Variants in OTOA observed in about 807,000 individuals in gnomAD.
OTOA encodes the protein cancer/testis antigen 108.
Under a neutral mutation model 110.8 loss-of-function variants are expected in OTOA, and 70 were observed. That is an observed-to-expected ratio of 0.63 (90% CI 0.52 to 0.77). The LOEUF is 0.77. Ranked by LOEUF, OTOA falls within the 30% of genes least tolerant of loss-of-function variation. The probability of loss-of-function intolerance (pLI) is 0.00; values close to 1 mark genes in which losing one functional copy is unlikely to be tolerated. For missense variants in OTOA, 917 were observed against 1,075.8 expected (o/e 0.85, Z 2.06); for synonymous variants, 373 against 431.5 (o/e 0.86, Z 1.68).
In OTOA at chr16:21,728,344, C is replaced by T. The variant is rs145160241; in HGVS notation, c.2120C>T (p.Ala707Val). 4.1e-4 allele frequency: 666 copies of T among 1,614,018 alleles called. 4 individuals carry two copies. The highest frequency in any genetic ancestry group is 3.4e-3 in the South Asian group (306 of 91,082). Reference protein sequence around the residue: ...IDRGISPRAWATALHGLRDCP... With the variant: ...IDRGISPRAWVTALHGLRDCP... ...AGGGGGATCTCCCCCAGGGCTTGGG[C>T]GACTGCTCTACACGGCCTCAGAGAC... Residue 707 changes from alanine to valine, a missense_variant, in exon 20 of 29, where the codon GCG (alanine) becomes GTG (valine). Physicochemically the swap from Ala to Val is moderately conservative, Grantham distance 64 (BLOSUM62 0). Around this residue, in one of 6 missense-constraint regions of OTOA, gnomAD observed 840 missense variants for 910.2 expected, o/e 0.92. Transcript: ENST00000646100.
rs1301889888 is a variant in OTOA at position 21,709,910 on chromosome 16, T to C, written c.1127T>C (p.Ile376Thr). 4 of 1,613,826 alleles carry C rather than the reference T, an allele frequency of 2.5e-6. No individual in the cohort carries two copies. Among genetic ancestry groups the C allele is most frequent in the Non-Finnish European group, 1.7e-6 (2 of 1,179,762 alleles). The change falls in exon 13 of 29, where the codon ATT becomes ACT. Residue 376 changes from isoleucine (I) to threonine (T), a missense_variant. Transcript: ENST00000646100. ...VQKLKAELLD[I>T]AMENQTLNET... ...CAGCTCAAAGCAGAACTCCTGGACATTGCCATGGAGAACCAGACCCTCAAT... is the reference window on the plus strand; with the variant it reads ...CAGCTCAAAGCAGAACTCCTGGACACTGCCATGGAGAACCAGACCCTCAAT...
intron 9 of OTOA, among the ~76,000 whole-genome samples, chr16:21,693,299 G>A (rs143573435): frequency 2.0e-5 from 3 of 152,172 alleles, no homozygotes; most frequent in Admixed American, 6.6e-5. Context: ...AAACAAAACA[G>A]CGATAGAAAA....
chr16:21,724,782 T>C (rs1193250176), intron 18 of OTOA, among the ~76,000 whole-genome samples: 1 of 151,742 alleles, frequency 6.6e-6, no homozygotes, highest in Non-Finnish European at 1.5e-5. Flanking sequence ...AATTAATTAA[T>C]TTATTTATTT....
At position 21,695,985 on chromosome 16, in the gene OTOA, C is replaced by T. The variant is rs1465655743; in HGVS notation, c.740-1790C>T. ...TCTCAGCTCACTGCAACTTCTGCCTCCCGGGTTCAAGTGATTCTCCTGCCT... is the reference window on the plus strand; with the variant it reads ...TCTCAGCTCACTGCAACTTCTGCCTTCCGGGTTCAAGTGATTCTCCTGCCT... On this transcript the variant is annotated intron_variant, in intron 9 of 28. Transcript: ENST00000646100. Among the ~76,000 whole-genome samples, 4 of 147,318 alleles carry T rather than the reference C, an allele frequency of 2.7e-5. No individual in the cohort carries two copies. In the Admixed American group the frequency reaches 2.8e-4, roughly 10 times the overall value.
chr16:21,701,028 G>A lies in OTOA; in HGVS notation c.980+1G>A. ...TGAGGAATACCTCCACCATCCACAG[G>A]CAAGCGCATGAGCTCTGGGCCTTGG... On this transcript the variant is annotated splice_donor_variant, in intron 11 of 28. Transcript: ENST00000646100. LOFTEE classifies it high-confidence loss of function. 3 of 1,614,144 alleles carry A rather than the reference G, an allele frequency of 1.9e-6. No homozygotes were observed. The highest frequency in any genetic ancestry group is 2.5e-6 in the Non-Finnish European group (3 of 1,180,040).
chr16:21,720,042 A>G (rs1331312160), intron 17 of OTOA, among the ~76,000 whole-genome samples: 1 of 151,722 alleles, frequency 6.6e-6, no homozygotes, highest in African/African-American at 2.4e-5. Context: ...TGCAGCCTCA[A>G]CCTCCTGGGC....
intron 12 of OTOA, among the ~76,000 whole-genome samples, chr16:21,707,655 T>TTCTTTCTTTCTTTCTTTCTTTC (rs1391942283): frequency 2.0e-5 from 2 of 100,372 alleles, no homozygotes; most frequent in African/African-American, 3.3e-5. Context: ...CTTTCTTTCT[T>TTCTTTCTTTCTTTCTTTCTTTC]TCTCTTTCTT....
In OTOA at chr16:21,719,113, C is replaced by T. The variant is rs369439311; in HGVS notation, c.1630-20C>T. 57 of 1,611,234 alleles carry T rather than the reference C, an allele frequency of 3.5e-5. No individual in the cohort carries two copies. The Middle Eastern group carries it at 5.4e-4, about 15-fold the overall frequency. ...ACGCTGAGTGTGCCATCAGTGCTAA[C>T]GATCATTCTCTTCTCGCAGGCTCTG... On this transcript the variant is annotated intron_variant, in intron 15 of 28. Coordinates refer to ENST00000646100, the MANE Select transcript of OTOA (RefSeq NM_144672.4).
intron 18 of OTOA, among the ~76,000 whole-genome samples, chr16:21,725,280 G>T (rs986371212): frequency 6.6e-6 from 1 of 151,860 alleles, no homozygotes; most frequent in African/African-American, 2.4e-5. Flanking sequence ...AGTTAGAATA[G>T]ATTTTTTTGT....
Position 21,734,328 on chromosome 16 carries a change from C to T in OTOA, c.2302-1933C>T, listed in dbSNP as rs543975638. Among the ~76,000 whole-genome samples, 18 of 149,238 alleles carry T rather than the reference C, an allele frequency of 1.2e-4. No individual in the cohort carries two copies. In the East Asian group the frequency reaches 3.4e-3, roughly 28 times the overall value. ...AAGTGGGAGCTAAATGATGAGAACACGTTGTCACATAGAATGGAACAGCAG... is the reference window on the plus strand; with the variant it reads ...AAGTGGGAGCTAAATGATGAGAACATGTTGTCACATAGAATGGAACAGCAG... On this transcript the variant is annotated intron_variant, in intron 21 of 28. Transcript: ENST00000646100.
chr16:21,687,593 C>T lies in OTOA; in HGVS notation c.580C>T (p.Pro194Ser), dbSNP rs1416925555. 3 of 1,613,642 alleles carry T rather than the reference C, an allele frequency of 1.9e-6. No individual in the cohort carries two copies. Among genetic ancestry groups the T allele is most frequent in the Non-Finnish European group, 2.5e-6 (3 of 1,180,000 alleles). The change falls in exon 8 of 29, where the codon CCA becomes TCA. Residue 194 changes from proline to serine, a missense_variant. By Grantham distance (74) the Pro-to-Ser change is moderately conservative. This residue lies in a region of OTOA where 840 missense variants were observed against 910.2 expected (regional missense o/e 0.92). Transcript: ENST00000646100. Reference protein sequence around the residue: ...LRGSSGSFLQPDITERLPRDL... With the variant: ...LRGSSGSFLQSDITERLPRDL... ...GGGGTCCTCAGGGAGCTTTCTCCAG[C>T]CAGACATCACAGAGCGGCTCCCTCG...
intron 5 of OTOA, 108 bp downstream of exon 5, chr16:21,679,319 GTCAA>G: frequency 8.3e-7 from 1 of 1,200,228 alleles, no homozygotes; most frequent in Middle Eastern, 2.0e-4. Context: ...TACAAAAAAT[GTCAA>G]TCAATGCACA....
intron 19 of OTOA, among the ~76,000 whole-genome samples, chr16:21,727,861 CT>C (rs1247263694): frequency 0.013 from 1,764 of 133,834 alleles, 15 homozygotes; most frequent in East Asian, 0.044. Flanking sequence ...GGGATCGGAA[CT>C]TTTTTTTTTT....
intron 5 of OTOA, among the ~76,000 whole-genome samples, chr16:21,680,930 A>G (rs1204649817): frequency 6.6e-6 from 1 of 152,034 alleles, no homozygotes; most frequent in East Asian, 1.9e-4. Flanking sequence ...CGCAATTTTC[A>G]TGTGTGAACA....
At chr16:21,691,948 TATAA>T (rs1897838902) in intron 9 of OTOA, among the ~76,000 whole-genome samples, 2 of 152,200 alleles carry the variant, frequency 1.3e-5, no homozygotes, top group Non-Finnish European at 2.9e-5. Context: ...TTCAGTGGAA[TATAA>T]ATAATGATGG....
intron 13 of OTOA, among the ~76,000 whole-genome samples, chr16:21,714,379 CTCTCTTTCTCTCTTTCTT>C (rs1481424045): frequency 5.2e-5 from 6 of 116,218 alleles, no homozygotes; most frequent in African/African-American, 9.0e-5. Flanking sequence ...CTCTCTCTTT[CTCTCTTTCTCTCTTTCTT>C]TCTCTTTCTT....
rs1049096464 is a variant in OTOA, at chr16:21,707,939, G to A, written c.1105-1949G>A. 2.6e-5 allele frequency among the ~76,000 whole-genome samples: 4 copies of A among 151,538 alleles called. No individual in the cohort carries two copies. The East Asian group carries it at 7.8e-4, about 30-fold the overall frequency. ...CTCCTGAGTAGCTGGGACTACAGGT[G>A]CACGCCACCACGCCCAGCTATTTAT... On this transcript the variant is annotated intron_variant, in intron 12 of 28. Transcript: ENST00000646100.
chr16:21,708,827 T>C (rs1898273893), intron 12 of OTOA, among the ~76,000 whole-genome samples: 1 of 152,190 alleles, frequency 6.6e-6, no homozygotes, highest in Non-Finnish European at 1.5e-5. Context: ...ACAGAGCTCA[T>C]TGTATAGTAG....
intron 1 of OTOA, among the ~76,000 whole-genome samples, chr16:21,671,953 G>A (rs1966849755): frequency 6.6e-6 from 1 of 152,048 alleles, no homozygotes; most frequent in Non-Finnish European, 1.5e-5. Context: ...GCACTATAGT[G>A]AGACCCTATA....
Sources: gnomAD v4.1 joint callset for allele counts (sites outside exome capture counted in the v4.1 genomes callset) on GRCh38, gnomAD v4.1.1 for gene constraint, gnomAD v4.1.1 regional missense constraint, MANE v1.5 for transcripts, NCBI Gene and HGNC (gene_info 2026-07-23, HGNC 2026-07-21) for gene names.